ULK4: variants seen among roughly 807,000 people sequenced by gnomAD.
The protein encoded by ULK4 is inactive serine/threonine-protein kinase ULK4.
In ULK4, 133 loss-of-function variants were observed where a neutral mutation model predicts 160.6. The ratio of observed to expected loss-of-function variants is 0.83; its 90% confidence interval spans 0.72 to 0.96. The LOEUF (loss-of-function observed/expected upper bound fraction) is 0.96, where lower values mean the gene tolerates loss of function less well. Ranked by LOEUF, ULK4 falls within the 40% of genes least tolerant of loss-of-function variation. The pLI, the probability that ULK4 is intolerant of heterozygous loss-of-function variation, is 0.00. For missense variants in ULK4, 1,580 were observed against 1,499.5 expected (o/e 1.05, Z -0.89); for synonymous variants, 534 against 539.8 (o/e 0.99, Z 0.15).
intron 35 of ULK4, among the ~76,000 whole-genome samples, chr3:41,290,426 G>A (rs1262260241): frequency 1.3e-5 from 2 of 152,150 alleles, no homozygotes; most frequent in Non-Finnish European, 1.5e-5. Context: ...TGGAAAGTAG[G>A]AGGAGCTGGA....
chr3:41,642,911 T>C (rs1404279118), intron 30 of ULK4, among the ~76,000 whole-genome samples: 2 of 152,212 alleles, frequency 1.3e-5, no homozygotes, highest in Admixed American at 6.5e-5. Context: ...TATCTCATTG[T>C]GGTTTTGATT....
chr3:41,718,890 G>A (rs1413268772), intron 22 of ULK4, among the ~76,000 whole-genome samples: 1 of 152,090 alleles, frequency 6.6e-6, no homozygotes, highest in Non-Finnish European at 1.5e-5. Flanking sequence ...ACCCCATCAC[G>A]TGAGGATGAA....
At chr3:41,775,610 G>T (rs1181588886) in intron 21 of ULK4, among the ~76,000 whole-genome samples, 1 of 150,392 alleles carries the variant, frequency 6.6e-6, no homozygotes, top group Admixed American at 6.6e-5. Context: ...TGTTGGCCAG[G>T]CTGGTCTTGA....
intron 29 of ULK4, 140 bp downstream of exon 29, chr3:41,681,367 CT>C (rs2035915912): frequency 9.7e-6 from 12 of 1,237,546 alleles, no homozygotes; most frequent in African/African-American, 1.5e-5. Flanking sequence ...CCTGTCTAAA[CT>C]TTTTTTATAA....
intron 35 of ULK4, among the ~76,000 whole-genome samples, chr3:41,375,119 C>T (rs902297919): frequency 3.3e-5 from 5 of 151,864 alleles, no homozygotes; most frequent in Non-Finnish European, 1.5e-5. Context: ...AACCACTGCT[C>T]GACGAAATAA....
intron 21 of ULK4, among the ~76,000 whole-genome samples, chr3:41,786,007 C>T (rs1266012616): frequency 6.6e-6 from 1 of 152,100 alleles, no homozygotes; most frequent in South Asian, 2.1e-4. Context: ...CATCCAAGGC[C>T]AGAATGCACC....
rs537662384 is a variant in ULK4 at position 41,478,897 on chromosome 3, T to C, written c.3227-15644A>G. 1.9e-3 allele frequency among the ~76,000 whole-genome samples: 289 copies of C among 152,366 alleles called. 1 individual carries two copies. Among genetic ancestry groups the C allele is most frequent in the Non-Finnish European group, 2.7e-3 (183 of 68,034 alleles). ...CTAAATTCTATTCTTAGCTCAACGTTACATAAACTTACTTTCCAATTACGT... is the reference window on the plus strand; with the variant it reads ...CTAAATTCTATTCTTAGCTCAACGTCACATAAACTTACTTTCCAATTACGT... On this transcript the variant is annotated intron_variant, in intron 32 of 36. Coordinates refer to ENST00000301831, the MANE Select transcript of ULK4 (RefSeq NM_017886.4).
At chr3:41,857,285 T>G (rs1475540881) in intron 17 of ULK4, among the ~76,000 whole-genome samples, 2 of 152,220 alleles carry the variant, frequency 1.3e-5, no homozygotes, top group Admixed American at 6.5e-5. Context: ...ATCCCTTGGG[T>G]ACTCATTATT....
intron 17 of ULK4, among the ~76,000 whole-genome samples, chr3:41,855,266 G>T (rs6599182): frequency 0.13 from 20,008 of 151,930 alleles, 4,313 homozygotes; most frequent in African/African-American, 0.45. Context: ...TCTCACAGCT[G>T]CCCTCTGGAA....
intron 35 of ULK4, among the ~76,000 whole-genome samples, chr3:41,347,688 T>A (rs2080828483): frequency 1.3e-5 from 2 of 152,124 alleles, no homozygotes; most frequent in Admixed American, 6.5e-5. Flanking sequence ...GATACCACCT[T>A]GTCTAAGAAA....
chr3:41,842,050 G>A (rs1021843957), intron 17 of ULK4, among the ~76,000 whole-genome samples: 18 of 151,036 alleles, frequency 1.2e-4, no homozygotes, highest in Non-Finnish European at 8.8e-5. Flanking sequence ...CTTTGTTCAC[G>A]TGTTTATATG....
intron 19 of ULK4, among the ~76,000 whole-genome samples, chr3:41,803,731 C>T (rs538316159): frequency 3.9e-4 from 59 of 152,088 alleles, no homozygotes; most frequent in Middle Eastern, 3.4e-3. Context: ...TGAGAACATG[C>T]GGTGTTTGGT....
intron 35 of ULK4, among the ~76,000 whole-genome samples, chr3:41,279,370 C>CAAGTT (rs1354871772): frequency 6.6e-6 from 1 of 151,520 alleles, no homozygotes; most frequent in African/African-American, 2.4e-5. Flanking sequence ...AGAATGGGAC[C>CAAGTT]AAGTTAGAAA....
At chr3:41,253,423 G>C (rs1486204136) in intron 35 of ULK4, among the ~76,000 whole-genome samples, 1 of 151,866 alleles carries the variant, frequency 6.6e-6, no homozygotes, top group East Asian at 1.9e-4. Context: ...TGTTCCATTT[G>C]AAGTGGTAAA....
intron 32 of ULK4, among the ~76,000 whole-genome samples, chr3:41,465,717 C>G (rs1239938420): frequency 1.3e-5 from 2 of 152,146 alleles, no homozygotes; most frequent in African/African-American, 4.8e-5. Flanking sequence ...AATTCAGGTT[C>G]AATTCCTTTG....
chr3:41,761,326 A>ATTC (rs1362312642), intron 21 of ULK4, among the ~76,000 whole-genome samples: 1 of 148,450 alleles, frequency 6.7e-6, no homozygotes, highest in Non-Finnish European at 1.5e-5. Context: ...ATACTATGTT[A>ATTC]TGTTATATAT....
At position 41,839,057 on chromosome 3, in the gene ULK4, G is replaced by A. The variant is rs2041838256; in HGVS notation, c.1657-3086C>T. ...CACTTATTTCACAATTGCTGAAAGA[G>A]TAGATTTTACGGCCAGGCAAGGTGG... On this transcript the variant is annotated intron_variant, in intron 17 of 36. Coordinates refer to ENST00000301831, the MANE Select transcript of ULK4 (RefSeq NM_017886.4). 2.0e-5 allele frequency among the ~76,000 whole-genome samples: 3 copies of A among 152,274 alleles called. 1 individual carries two copies. The highest frequency in any genetic ancestry group is 6.8e-3 in the Middle Eastern group (2 of 294).
rs1477950703 is a variant in ULK4 at position 41,740,046 on chromosome 3, T to A, written c.2321+14315A>T. Among the ~76,000 whole-genome samples, 3 of 151,916 alleles carry A rather than the reference T, an allele frequency of 2.0e-5. 1 individual carries two copies. The highest frequency in any genetic ancestry group is 4.9e-5 in the African/African-American group (2 of 41,214). Reference sequence around the variant, plus strand: ...ATGTAGCCAAACTATCAGTATTTCCTTTTATGGTTTATTTCATTGCTCTTC... The same window carrying A: ...ATGTAGCCAAACTATCAGTATTTCCATTTATGGTTTATTTCATTGCTCTTC... On this transcript the variant is annotated intron_variant, in intron 22 of 36. Transcript: ENST00000301831.
In ULK4 at chr3:41,592,899, AT is replaced by A. The variant is rs920328746; in HGVS notation, c.3120+22769del. ...ATCTGTGTGTGTTCTCTTAATGTCG[AT>A]TTTTTTTTAAACTGATGTCACTTCC... On this transcript the variant is annotated intron_variant, in intron 31 of 36. Transcript: ENST00000301831. Among the ~76,000 whole-genome samples the A allele has an allele frequency of 5.3e-5, 8 of 151,500 alleles. 1 individual carries two copies. In the East Asian group the frequency reaches 5.8e-4, roughly 11 times the overall value.
Sources: allele counts gnomAD v4.1 joint callset (sites outside exome capture counted in the v4.1 genomes callset), GRCh38; gene constraint gnomAD v4.1.1; transcripts MANE v1.5; gene names NCBI Gene and HGNC (gene_info 2026-07-23, HGNC 2026-07-21).